The following CDH2 variants were observed in gnomAD, a reference collection of about 807,000 sequenced individuals.
CDH2 encodes the protein cadherin-2.
A neutral mutation model predicts 92.0 loss-of-function variants in CDH2; 17 were observed. The ratio of observed to expected loss-of-function variants is 0.18; its 90% CI spans 0.13 to 0.28. The LOEUF is 0.28. CDH2 is among the 10% of genes least tolerant of loss of function. The probability of loss-of-function intolerance (pLI) is 1.00; values close to 1 mark genes in which losing one functional copy is unlikely to be tolerated. For missense variants in CDH2, 862 were observed against 1,133.1 expected, an observed-to-expected ratio of 0.76 and a Z score of 3.44; for synonymous variants, 419 against 415.9, an observed-to-expected ratio of 1.01 and a Z score of -0.09.
At chr18:28,144,251 C>T (rs1234547027) in intron 2 of CDH2, among the ~76,000 whole-genome samples, 2 of 151,382 alleles carry the variant, frequency 1.3e-5, no homozygotes, top group African/African-American at 4.9e-5. Context: ...AGAGTTTGGC[C>T]ATAAATGCTT....
chr18:28,127,348 T>G, intron 2 of CDH2, among the ~76,000 whole-genome samples: 1 of 152,140 alleles, frequency 6.6e-6, no homozygotes, highest in Non-Finnish European at 1.5e-5. Context: ...GCTTGGGAAT[T>G]TATAAGCTTC....
intron 5 of CDH2, among the ~76,000 whole-genome samples, chr18:28,009,474 T>C (rs1489571120): frequency 6.6e-6 from 1 of 152,178 alleles, no homozygotes; most frequent in African/African-American, 2.4e-5. Flanking sequence ...ATGTAAAGAG[T>C]AATGAGATTT....
chr18:28,038,422 AGTGTGTGTGTGTGTGT>A (rs57601293), intron 2 of CDH2, among the ~76,000 whole-genome samples: 23 of 142,382 alleles, frequency 1.6e-4, no homozygotes, highest in Admixed American at 5.6e-4. Flanking sequence ...CCTTGTCTCA[AGTGTGTGTGTGTGTGT>A]GTGTGTGTGT....
intron 2 of CDH2, among the ~76,000 whole-genome samples, chr18:28,030,262 A>G (rs1475216476): frequency 6.6e-6 from 1 of 151,360 alleles, no homozygotes; most frequent in Non-Finnish European, 1.5e-5. Flanking sequence ...TAATTGGGAC[A>G]ATGACAGAAA....
chr18:28,176,763 T>TGGCCCCGGCAACCC (rs1460957617), intron 1 of CDH2, among the ~76,000 whole-genome samples, 200 bp downstream of exon 1: 11 of 151,556 alleles, frequency 7.3e-5, no homozygotes, highest in Non-Finnish European at 1.5e-4. Context: ...AGAGACCTAC[T>TGGCCCCGGCAACCC]GGCCCCGGCA....
intron 2 of CDH2, among the ~76,000 whole-genome samples, chr18:28,127,380 C>G (rs1177615189): frequency 6.6e-6 from 1 of 152,164 alleles, no homozygotes. Flanking sequence ...AGCAAATTTT[C>G]CAATTCTGTT....
intron 2 of CDH2, among the ~76,000 whole-genome samples, chr18:28,098,926 T>C (rs2015182536): frequency 6.6e-6 from 1 of 152,128 alleles, no homozygotes; most frequent in Admixed American, 6.5e-5. Flanking sequence ...AATTTTCAGA[T>C]ATGGACTTCA....
intron 2 of CDH2, among the ~76,000 whole-genome samples, chr18:28,076,579 T>G (rs760783273): frequency 9.5e-4 from 145 of 152,258 alleles, no homozygotes; most frequent in Non-Finnish European, 1.9e-3. Flanking sequence ...CTAGGGTACA[T>G]GTGCAAAATG....
At chr18:28,054,563 C>G (rs577110220) in intron 2 of CDH2, among the ~76,000 whole-genome samples, 1 of 152,314 alleles carries the variant, frequency 6.6e-6, no homozygotes, top group African/African-American at 2.4e-5. Flanking sequence ...CTAAAAAACT[C>G]TGTGCCCAAG....
chr18:27,935,178 G>A (rs1908988625), intron 6 of CDH2, among the ~76,000 whole-genome samples: 1 of 152,126 alleles, frequency 6.6e-6, no homozygotes. Flanking sequence ...CTGCTATAAC[G>A]ATACACCTGA....
At chr18:28,155,634 TTA>T (rs1377019851) in intron 1 of CDH2, among the ~76,000 whole-genome samples, 1 of 152,154 alleles carries the variant, frequency 6.6e-6, no homozygotes, top group African/African-American at 2.4e-5. Flanking sequence ...TATTATGCGG[TTA>T]TGTCTTCCAA....
intron 1 of CDH2, among the ~76,000 whole-genome samples, chr18:28,171,136 A>G (rs2016458632): frequency 6.6e-6 from 1 of 151,876 alleles, no homozygotes; most frequent in African/African-American, 2.4e-5. Context: ...AGGCTGAGGC[A>G]GGAGAATTCC....
chr18:28,137,042 A>G (rs931218016), intron 2 of CDH2, among the ~76,000 whole-genome samples: 1 of 152,206 alleles, frequency 6.6e-6, no homozygotes, highest in African/African-American at 2.4e-5. Context: ...TAGAAAAAAA[A>G]GTTGAACTGG....
chr18:28,104,692 A>ATC (rs1555642207), intron 2 of CDH2, among the ~76,000 whole-genome samples: 2 of 148,328 alleles, frequency 1.3e-5, no homozygotes, highest in Non-Finnish European at 3.0e-5. Flanking sequence ...ATGCAAATAC[A>ATC]TATCTATCTA....
At chr18:28,174,052 A>C (rs1385913090) in intron 1 of CDH2, among the ~76,000 whole-genome samples, 1 of 152,132 alleles carries the variant, frequency 6.6e-6, no homozygotes, top group Non-Finnish European at 1.5e-5. Flanking sequence ...AATCTACATA[A>C]CAAGACTAAC....
At chr18:28,033,223 A>C in intron 2 of CDH2, among the ~76,000 whole-genome samples, 1 of 152,136 alleles carries the variant, frequency 6.6e-6, no homozygotes, top group East Asian at 1.9e-4. Context: ...GGATCAGCAC[A>C]GCAGTTCTTC....
intron 1 of CDH2, among the ~76,000 whole-genome samples, chr18:28,150,932 A>G (rs1382597848): frequency 1.3e-5 from 2 of 152,256 alleles, no homozygotes; most frequent in Admixed American, 1.3e-4. Flanking sequence ...TTTCAGTCAA[A>G]AAATAGCAAA....
intron 2 of CDH2, among the ~76,000 whole-genome samples, chr18:28,127,156 A>T (rs540708389): frequency 6.6e-6 from 1 of 152,342 alleles, no homozygotes; most frequent in East Asian, 1.9e-4. Context: ...ATTAATTTTT[A>T]AAAATGATGA....
At chr18:28,062,458 C>G (rs1377368314) in intron 2 of CDH2, among the ~76,000 whole-genome samples, 1 of 152,064 alleles carries the variant, frequency 6.6e-6, no homozygotes, top group Non-Finnish European at 1.5e-5. Context: ...TTATAGCATA[C>G]TATAGATGAA....
Sources: gnomAD v4.1 joint callset for allele counts (sites outside exome capture counted in the v4.1 genomes callset) on GRCh38, gnomAD v4.1.1 for gene constraint, MANE v1.5 for transcripts, NCBI Gene and HGNC (gene_info 2026-07-23, HGNC 2026-07-21) for gene names.